The following ITGBL1 variants were observed in gnomAD, a reference collection of about 807,000 sequenced individuals.
The protein encoded by ITGBL1 is integrin subunit beta like 1, also known as integrin beta-like protein 1.
In ITGBL1, 51 loss-of-function variants were observed where a neutral mutation model predicts 68.5. The ratio of observed to expected loss-of-function variants is 0.74; its 90% CI spans 0.59 to 0.94. The LOEUF (loss-of-function observed/expected upper bound fraction) is 0.94, where lower values mean the gene tolerates loss of function less well. Among genes scored for constraint, ITGBL1 ranks in the 40% least tolerant of loss-of-function variants. ITGBL1 has a pLI of 0.00. For synonymous variants in ITGBL1, 209 were observed against 227.3 expected (o/e 0.92, Z 0.72); for missense variants, 649 against 647.4 (o/e 1.00, Z -0.03).
intron 2 of ITGBL1, among the ~76,000 whole-genome samples, chr13:101,457,148 A>G (rs2048255587): frequency 1.3e-5 from 2 of 152,230 alleles, no homozygotes; most frequent in African/African-American, 2.4e-5. Flanking sequence ...ATTAAAATGT[A>G]TATATACATA....
At chr13:101,602,732 C>G (rs1337785955) in intron 7 of ITGBL1, among the ~76,000 whole-genome samples, 4 of 152,002 alleles carry the variant, frequency 2.6e-5, no homozygotes, top group Admixed American at 6.6e-5. Context: ...ACTCCCCATT[C>G]TCTTGTCCCA....
intron 7 of ITGBL1, among the ~76,000 whole-genome samples, chr13:101,689,211 TA>T (rs34627046): frequency 0.01 from 765 of 74,838 alleles, 52 homozygotes; most frequent in Middle Eastern, 0.039. Context: ...AGACTCTGCC[TA>T]AAAAAAAAAA....
intron 4 of ITGBL1, among the ~76,000 whole-genome samples, chr13:101,576,206 G>A (rs1473729148): frequency 1.3e-5 from 2 of 152,136 alleles, no homozygotes; most frequent in Non-Finnish European, 2.9e-5. Flanking sequence ...GGATAAATTA[G>A]GTAACGAACC....
chr13:101,663,992 C>G (rs763988573), intron 7 of ITGBL1, among the ~76,000 whole-genome samples: 4 of 152,066 alleles, frequency 2.6e-5, no homozygotes, highest in African/African-American at 9.7e-5. Flanking sequence ...TCTCAAAATG[C>G]TTTTGAGGAG....
intron 2 of ITGBL1, among the ~76,000 whole-genome samples, chr13:101,562,442 T>C (rs747610062): frequency 1.4e-4 from 22 of 151,904 alleles, no homozygotes; most frequent in Non-Finnish European, 3.1e-4. Flanking sequence ...CTATAAGAAA[T>C]GACTTTAAGA....
intron 5 of ITGBL1, among the ~76,000 whole-genome samples, chr13:101,582,305 T>C (rs951672768): frequency 3.9e-5 from 6 of 152,212 alleles, no homozygotes; most frequent in Admixed American, 1.3e-4. Context: ...TTAGTAATTG[T>C]GCTTTGGGGT....
At chr13:101,596,556 A>G (rs745574534) in intron 6 of ITGBL1, among the ~76,000 whole-genome samples, 18 of 152,222 alleles carry the variant, frequency 1.2e-4, no homozygotes, top group Non-Finnish European at 2.4e-4. Flanking sequence ...TTAAGAATCT[A>G]CAATTTTTTG....
At chr13:101,503,901 T>C (rs1462448106) in intron 2 of ITGBL1, among the ~76,000 whole-genome samples, 2 of 152,316 alleles carry the variant, frequency 1.3e-5, no homozygotes, top group East Asian at 3.9e-4. Flanking sequence ...AGGTTGTCAC[T>C]AGGAAGACAG....
chr13:101,649,303 T>C (rs1975266), intron 7 of ITGBL1, among the ~76,000 whole-genome samples: 8,538 of 152,248 alleles, frequency 0.056, 269 homozygotes, highest in Middle Eastern at 0.12. Context: ...CTTCCTATTA[T>C]TTGTGAGGAG....
chr13:101,706,695 C>T (rs757278795), intron 8 of ITGBL1, 61 bp from the exon 9 acceptor site: 3 of 1,537,244 alleles, frequency 2.0e-6, no homozygotes, highest in Non-Finnish European at 2.7e-6. Context: ...TTTCTTAAAA[C>T]TCTCTGCTTC....
At chr13:101,564,542 A>ATG (rs1314526003) in intron 2 of ITGBL1, among the ~76,000 whole-genome samples, 1 of 150,732 alleles carries the variant, frequency 6.6e-6, no homozygotes, top group Non-Finnish European at 1.5e-5. Flanking sequence ...CCGTACATAT[A>ATG]TGTATATATA....
At chr13:101,556,373 A>G (rs966037509) in intron 2 of ITGBL1, among the ~76,000 whole-genome samples, 7 of 152,226 alleles carry the variant, frequency 4.6e-5, no homozygotes, top group African/African-American at 1.4e-4. Context: ...ACGGTGGCTC[A>G]TGCCTGTAAT....
At chr13:101,471,538 G>A (rs547498935) in intron 2 of ITGBL1, among the ~76,000 whole-genome samples, 1,410 of 81,484 alleles carry the variant, frequency 0.017, 22 homozygotes, top group Middle Eastern at 0.062. Flanking sequence ...ATGTATGTGT[G>A]TGTGTGTGTG....
chr13:101,531,003 T>C (rs1421179796), intron 2 of ITGBL1, among the ~76,000 whole-genome samples: 1 of 152,160 alleles, frequency 6.6e-6, no homozygotes, highest in African/African-American at 2.4e-5. Context: ...CTTTCTTTCT[T>C]TGAACTACTA....
chr13:101,563,659 T>C (rs577619917), intron 2 of ITGBL1, among the ~76,000 whole-genome samples: 14 of 151,966 alleles, frequency 9.2e-5, no homozygotes, highest in African/African-American at 2.4e-4. Flanking sequence ...TAGTTAAACA[T>C]TTGTAAAAAT....
intron 7 of ITGBL1, among the ~76,000 whole-genome samples, chr13:101,605,204 G>T (rs2030696367): frequency 6.9e-6 from 1 of 144,180 alleles, no homozygotes; most frequent in Non-Finnish European, 1.5e-5. Context: ...GTGTGTATAT[G>T]CGTATATATA....
intron 2 of ITGBL1, among the ~76,000 whole-genome samples, chr13:101,541,053 T>A (rs1274653467): frequency 7.3e-6 from 1 of 137,896 alleles, no homozygotes; most frequent in African/African-American, 2.8e-5. Context: ...TATTTCCTTC[T>A]CCTGCCTGAT....
At chr13:101,531,758 A>G (rs534267397) in intron 2 of ITGBL1, among the ~76,000 whole-genome samples, 1 of 148,048 alleles carries the variant, frequency 6.8e-6, no homozygotes, top group Non-Finnish European at 1.5e-5. Context: ...TTTTAGACGG[A>G]GTCTCGCTCT....
rs200508256 is a variant in ITGBL1, at chr13:101,575,446, T to C, written c.486T>C (p.Cys162=). The C allele has an allele frequency of 3.7e-5, 60 of 1,612,996 alleles. No homozygotes were observed. The highest frequency in any genetic ancestry group is 1.5e-4 in the South Asian group (14 of 91,072). Residue 162 remains cysteine (C), a synonymous_variant, in exon 4 of 11, where the codon TGT becomes TGC. Transcript: ENST00000376180. Reference sequence around the variant, plus strand: ...TAGGTACATGTCACTGTGGCAGGTGTAAGTGTGATAATTCAGATGGAAGTG... The same window carrying C: ...TAGGTACATGTCACTGTGGCAGGTGCAAGTGTGATAATTCAGATGGAAGTG... ...SNAGTCHCGR[C]KCDNSDGSGL... is the part of the protein sequence containing the mutation.
Sources: allele counts gnomAD v4.1 joint callset (sites outside exome capture counted in the v4.1 genomes callset), GRCh38; gene constraint gnomAD v4.1.1; transcripts MANE v1.5; gene names NCBI Gene and HGNC (gene_info 2026-07-23, HGNC 2026-07-21).